Variants in SLX4IP observed in about 807,000 individuals in gnomAD.
SLX4IP encodes SLX4 interacting protein, also known as protein SLX4IP.
SLX4IP carries 34 observed loss-of-function variants against 32.9 expected under a neutral mutation model. The ratio of observed to expected loss-of-function variants is 1.03; its 90% CI spans 0.79 to 1.38. SLX4IP has a LOEUF of 1.38. SLX4IP is among the 40% of genes most tolerant of loss of function. The pLI, the probability that SLX4IP is intolerant of heterozygous loss-of-function variation, is 0.00. For missense variants in SLX4IP, 444 were observed against 479.0 expected (o/e 0.93, Z 0.68); for synonymous variants, 172 against 171.7 (o/e 1.00, Z -0.01).
At chr20:10,444,527 G>A (rs2065185002) in intron 1 of SLX4IP, among the ~76,000 whole-genome samples, 10 of 152,038 alleles carry the variant, frequency 6.6e-5, no homozygotes, top group Admixed American at 6.6e-4. Flanking sequence ...ACAGGTGTGT[G>A]CCACCATGCT....
intron 2 of SLX4IP, among the ~76,000 whole-genome samples, chr20:10,477,383 A>G (rs1041984927): frequency 1.3e-5 from 2 of 152,006 alleles, no homozygotes; most frequent in African/African-American, 4.8e-5. Context: ...TGACCTCATG[A>G]TCTGCTCACG....
intron 2 of SLX4IP, among the ~76,000 whole-genome samples, chr20:10,502,611 C>T (rs993911288): frequency 2.1e-5 from 3 of 142,930 alleles, no homozygotes; most frequent in Admixed American, 2.0e-4. Context: ...ATATTTGCAG[C>T]GTGTACTCCC....
chr20:10,467,096 C>T (rs2065386629), intron 2 of SLX4IP, among the ~76,000 whole-genome samples: 3 of 152,138 alleles, frequency 2.0e-5, no homozygotes, highest in Admixed American at 6.5e-5. Context: ...AATGGGTAAT[C>T]ACTAGGCTTT....
Position 10,469,320 on chromosome 20 carries a change from T to A in SLX4IP, c.27+11089T>A, listed in dbSNP as rs550031736. Among the ~76,000 whole-genome samples, 73 of 150,612 alleles carry A rather than the reference T, an allele frequency of 4.8e-4. 1 individual carries two copies. Among genetic ancestry groups the A allele is most frequent in the East Asian group, 3.9e-3 (20 of 5,158 alleles). On this transcript the variant is annotated intron_variant, in intron 2 of 7. Coordinates refer to ENST00000334534, the MANE Select transcript of SLX4IP (RefSeq NM_001009608.3). ...TCAATTTGTGGTATATTTGTTTTTT[T>A]AAAAAAAAAATCATCTCAACCTATT...
chr20:10,533,596 G>C (rs1257213027), intron 2 of SLX4IP, among the ~76,000 whole-genome samples: 3 of 148,782 alleles, frequency 2.0e-5, no homozygotes, highest in Admixed American at 1.4e-4. Context: ...GGGATTACAG[G>C]TGTGAGCCAC....
intron 2 of SLX4IP, among the ~76,000 whole-genome samples, chr20:10,525,453 T>C (rs962608911): frequency 6.6e-6 from 1 of 152,172 alleles, no homozygotes; most frequent in Non-Finnish European, 1.5e-5. Flanking sequence ...CAATGTTGAG[T>C]TAAATCTGTA....
At chr20:10,615,257 C>T (rs1350958135) in intron 6 of SLX4IP, among the ~76,000 whole-genome samples, 1 of 152,172 alleles carries the variant, frequency 6.6e-6, no homozygotes, top group Non-Finnish European at 1.5e-5. Flanking sequence ...CAGCTTATGT[C>T]AAAGTCACCT....
chr20:10,524,179 T>G (rs1214432166), intron 2 of SLX4IP, among the ~76,000 whole-genome samples: 3 of 152,202 alleles, frequency 2.0e-5, no homozygotes, highest in Non-Finnish European at 4.4e-5. Flanking sequence ...CTCATGGGGT[T>G]TGTAAAGTGG....
At chr20:10,458,284 A>G in intron 2 of SLX4IP, 53 bp downstream of exon 2, 1 of 1,474,278 alleles carries the variant, frequency 6.8e-7, no homozygotes, top group Non-Finnish European at 9.2e-7. Flanking sequence ...TTCTAATATA[A>G]CTGAGCTCTG....
chr20:10,507,019 G>A (rs1363307133), intron 2 of SLX4IP, among the ~76,000 whole-genome samples: 1 of 152,170 alleles, frequency 6.6e-6, no homozygotes, highest in Non-Finnish European at 1.5e-5. Context: ...CATTTTGTGT[G>A]TGGTGGGGCG....
chr20:10,538,306 T>C (rs1415176122), intron 2 of SLX4IP, among the ~76,000 whole-genome samples: 4 of 152,104 alleles, frequency 2.6e-5, no homozygotes, highest in Non-Finnish European at 5.9e-5. Context: ...GTTTCTCTAC[T>C]TTGGCACTAA....
chr20:10,587,681 C>T (rs2066661458), intron 4 of SLX4IP, among the ~76,000 whole-genome samples: 1 of 152,010 alleles, frequency 6.6e-6, no homozygotes, highest in Non-Finnish European at 1.5e-5. Context: ...ATAGAGAGCC[C>T]AGAAATAAAC....
chr20:10,608,873 T>C (rs2066934857), intron 6 of SLX4IP, among the ~76,000 whole-genome samples: 1 of 152,120 alleles, frequency 6.6e-6, no homozygotes, highest in South Asian at 2.1e-4. Flanking sequence ...GCTTATATTA[T>C]TAATATTTTC....
chr20:10,534,647 G>A (rs775815227), intron 2 of SLX4IP, among the ~76,000 whole-genome samples: 23 of 152,248 alleles, frequency 1.5e-4, no homozygotes, highest in Middle Eastern at 3.4e-3. Flanking sequence ...AGCTCCTGGC[G>A]CAGGGCTGGC....
intron 2 of SLX4IP, among the ~76,000 whole-genome samples, chr20:10,541,413 AGAACCAGGATTTCT>A (rs1338340679): frequency 6.6e-6 from 1 of 152,234 alleles, no homozygotes; most frequent in Non-Finnish European, 1.5e-5. Context: ...CTAAAATAAT[AGAACCAGGATTTCT>A]GAACCAGGAG....
intron 4 of SLX4IP, among the ~76,000 whole-genome samples, chr20:10,586,934 A>G (rs939465936): frequency 3.3e-5 from 5 of 152,182 alleles, no homozygotes; most frequent in African/African-American, 1.2e-4. Flanking sequence ...TGGATATTTT[A>G]CCAGGACAGT....
intron 2 of SLX4IP, among the ~76,000 whole-genome samples, chr20:10,490,240 A>G (rs554763298): frequency 1.6e-4 from 25 of 152,060 alleles, no homozygotes; most frequent in Non-Finnish European, 3.5e-4. Flanking sequence ...CATGTATAAA[A>G]TTCTTTATGA....
intron 4 of SLX4IP, among the ~76,000 whole-genome samples, chr20:10,595,379 T>C (rs987533122): frequency 6.6e-6 from 1 of 152,122 alleles, no homozygotes. Flanking sequence ...CATCCAGTAG[T>C]TTTCAGATGA....
chr20:10,498,973 A>T (rs1450762351), intron 2 of SLX4IP, among the ~76,000 whole-genome samples: 1 of 152,158 alleles, frequency 6.6e-6, no homozygotes, highest in East Asian at 1.9e-4. Flanking sequence ...ACTGAGGATG[A>T]TCACAACTAA....
Sources: gnomAD v4.1 joint callset for allele counts (sites outside exome capture counted in the v4.1 genomes callset) on GRCh38, gnomAD v4.1.1 for gene constraint, MANE v1.5 for transcripts, NCBI Gene and HGNC (gene_info 2026-07-23, HGNC 2026-07-21) for gene names.